The following STK33 variants were observed in gnomAD, a reference collection of about 807,000 sequenced individuals.
The protein encoded by STK33 is serine/threonine-protein kinase 33.
In STK33, 52 loss-of-function variants were observed where a neutral mutation model predicts 58.0. The observed-to-expected ratio is 0.90, with a 90% CI of 0.72 to 1.13. The LOEUF (loss-of-function observed/expected upper bound fraction) is 1.13, where lower values mean the gene tolerates loss of function less well. STK33 is among the 50% of genes most tolerant of loss of function. The pLI is 0.00. For missense variants in STK33, 630 were observed against 604.2 expected (o/e 1.04, Z -0.45); for synonymous variants, 215 against 200.1 (o/e 1.07, Z -0.63).
At chr11:8,529,514 C>A (rs1055547239) in intron 1 of STK33, among the ~76,000 whole-genome samples, 3 of 152,158 alleles carry the variant, frequency 2.0e-5, no homozygotes, top group Admixed American at 2.0e-4. Flanking sequence ...CCTCCCTCCC[C>A]CTAAGATATC....
At chr11:8,384,032 T>C in the STK33 span, among the ~76,000 whole-genome samples, 40 of 152,290 alleles carry the variant, frequency 2.6e-4, no homozygotes, top group African/African-American at 8.9e-4. Context: ...CTTCATACGA[T>C]CAGCTAGATG....
chr11:8,341,236 C>G, the STK33 span, among the ~76,000 whole-genome samples: 1 of 152,190 alleles, frequency 6.6e-6, no homozygotes, highest in African/African-American at 2.4e-5. Context: ...CTTTGGTCCT[C>G]TTCGGGGTGG....
At chr11:8,392,961 A>G (rs113858439) in intron 15 of STK33, among the ~76,000 whole-genome samples, 143 of 152,372 alleles carry the variant, frequency 9.4e-4, no homozygotes, top group African/African-American at 3.4e-3. Context: ...TCTGTCGTCC[A>G]AAATGTAAGT....
At chr11:8,489,268 A>AG in intron 1 of STK33, among the ~76,000 whole-genome samples, 1 of 94,042 alleles carries the variant, frequency 1.1e-5, no homozygotes, top group Non-Finnish European at 2.1e-5. Context: ...AAAAAAAAAA[A>AG]AAAGAAAAAA....
rs1212510285 is a variant in STK33, at chr11:8,461,800, T to A, written c.558+5A>T. 1.3e-6 allele frequency: 2 copies of A among 1,568,716 alleles called. No individual in the cohort carries two copies. Among genetic ancestry groups the A allele is most frequent in the African/African-American group, 1.4e-5 (1 of 72,350 alleles). On this transcript the variant is annotated splice_donor_5th_base_variant and intron_variant, in intron 8 of 15. Coordinates refer to ENST00000687296, the MANE Select transcript of STK33 (RefSeq NM_001352389.2). ...TTCAAAATGCAGCGCCTAATAGAGG[T>A]TTACCTTTGGCGTTTCAAATACTTG...
the STK33 span, among the ~76,000 whole-genome samples, chr11:8,377,229 C>A: frequency 6.6e-6 from 1 of 152,232 alleles, no homozygotes; most frequent in Non-Finnish European, 1.5e-5. Flanking sequence ...GGGGTTGATG[C>A]TGCTGGATCC....
chr11:8,459,124 T>C (rs1346061537), intron 8 of STK33, among the ~76,000 whole-genome samples: 1 of 152,168 alleles, frequency 6.6e-6, no homozygotes, highest in Non-Finnish European at 1.5e-5. Context: ...TATAAATTGG[T>C]CAATTTTAAA....
At chr11:8,542,519 G>A (rs1365205053) in intron 1 of STK33, among the ~76,000 whole-genome samples, 2 of 152,038 alleles carry the variant, frequency 1.3e-5, no homozygotes, top group African/African-American at 4.8e-5. Context: ...GTATCTAGAG[G>A]GTAAGAAACC....
chr11:8,549,210 T>C (rs1479865227), intron 1 of STK33, among the ~76,000 whole-genome samples: 1 of 152,226 alleles, frequency 6.6e-6, no homozygotes, highest in Non-Finnish European at 1.5e-5. Flanking sequence ...GAATACTTTT[T>C]CAGTATCTAT....
chr11:8,387,005 T>A, downstream of STK33, among the ~76,000 whole-genome samples: 1 of 152,194 alleles, frequency 6.6e-6, no homozygotes, highest in Non-Finnish European at 1.5e-5. Flanking sequence ...TCTCTTCGGT[T>A]AAAAACATAT....
chr11:8,590,816 C>T (rs1219760029), intron 1 of STK33, among the ~76,000 whole-genome samples: 8 of 152,124 alleles, frequency 5.3e-5, no homozygotes, highest in Non-Finnish European at 1.2e-4. Flanking sequence ...CTCATATATA[C>T]TGGAGTTCAG....
At chr11:8,472,100 A>T (rs1565114730) in intron 6 of STK33, among the ~76,000 whole-genome samples, 3 of 151,992 alleles carry the variant, frequency 2.0e-5, no homozygotes, top group African/African-American at 4.8e-5. Context: ...CTAATTTTTT[A>T]AAAATTTTTT....
chr11:8,342,162 G>T, the STK33 span, among the ~76,000 whole-genome samples: 1 of 152,206 alleles, frequency 6.6e-6, no homozygotes, highest in Non-Finnish European at 1.5e-5. Context: ...AGGGGAGGTG[G>T]ATTCAAAGAT....
the STK33 span, among the ~76,000 whole-genome samples, chr11:8,339,036 T>A: frequency 6.6e-6 from 1 of 152,068 alleles, no homozygotes; most frequent in Non-Finnish European, 1.5e-5. Flanking sequence ...TCCCCATGCA[T>A]CGGCTTGCTA....
intron 1 of STK33, among the ~76,000 whole-genome samples, chr11:8,542,729 CT>C (rs145234415): frequency 0.058 from 8,829 of 151,356 alleles, 442 homozygotes; most frequent in East Asian, 0.27. Flanking sequence ...TTAGTTTGCA[CT>C]TTTTTTTTAA....
At chr11:8,522,446 G>A (rs1451885444) in intron 1 of STK33, among the ~76,000 whole-genome samples, 2 of 151,096 alleles carry the variant, frequency 1.3e-5, no homozygotes, top group South Asian at 2.1e-4. Flanking sequence ...GACACAGGGT[G>A]GGGAACATCA....
chr11:8,411,150 T>C (rs1425240439), intron 15 of STK33, among the ~76,000 whole-genome samples: 1 of 152,220 alleles, frequency 6.6e-6, no homozygotes, highest in Non-Finnish European at 1.5e-5. Context: ...GATAAAGACT[T>C]TGTCTTAGAG....
intron 11 of STK33, among the ~76,000 whole-genome samples, chr11:8,442,960 T>A (rs1321023945): frequency 6.6e-6 from 1 of 152,106 alleles, no homozygotes; most frequent in African/African-American, 2.4e-5. Context: ...GGGTGGGGGA[T>A]TGACTGAAAG....
At chr11:8,501,989 A>G (rs1565207808) in intron 1 of STK33, among the ~76,000 whole-genome samples, 2 of 152,184 alleles carry the variant, frequency 1.3e-5, no homozygotes, top group Admixed American at 1.3e-4. Flanking sequence ...TAGGCAAATC[A>G]TAAGAGACAG....
Sources: allele counts gnomAD v4.1 joint callset (sites outside exome capture counted in the v4.1 genomes callset), GRCh38; gene constraint gnomAD v4.1.1; transcripts MANE v1.5; gene names NCBI Gene and HGNC (gene_info 2026-07-23, HGNC 2026-07-21).